UBE3C: variants seen among roughly 807,000 people sequenced by gnomAD.
UBE3C encodes ubiquitin-protein ligase E3C.
Under a neutral mutation model 129.4 loss-of-function variants are expected in UBE3C, and 42 were observed. The observed-to-expected ratio is 0.32, with a 90% CI of 0.25 to 0.42. The LOEUF is 0.42. UBE3C is among the 10% of genes least tolerant of loss of function. UBE3C has a pLI of 1.00. For missense variants in UBE3C, 1,049 were observed against 1,319.1 expected (o/e 0.80, Z 3.17); for synonymous variants, 510 against 492.4 (o/e 1.04, Z -0.47).
At chr7:157,258,651 G>A (rs1402457381) in intron 22 of UBE3C, among the ~76,000 whole-genome samples, 3 of 152,036 alleles carry the variant, frequency 2.0e-5, no homozygotes, top group African/African-American at 4.8e-5. Context: ...GTAGAGACGG[G>A]GTTTCACCAT....
intron 17 of UBE3C, among the ~76,000 whole-genome samples, chr7:157,227,535 A>G (rs10259984): frequency 0.19 from 27,770 of 145,098 alleles, 2,714 homozygotes; most frequent in East Asian, 0.36. Context: ...TGTCTCTACT[A>G]AAAATACAAA....
chr7:157,248,736 GC>G, intron 19 of UBE3C, 156 bp downstream of exon 19: 2 of 762,940 alleles, frequency 2.6e-6, no homozygotes, highest in Non-Finnish European at 4.2e-6. Context: ...TAGCTCCAAA[GC>G]ACCTTAGCCC....
intron 22 of UBE3C, among the ~76,000 whole-genome samples, chr7:157,259,366 T>C (rs1796837775): frequency 6.6e-6 from 1 of 152,230 alleles, no homozygotes; most frequent in South Asian, 2.1e-4. Context: ...AGGCAAGTTA[T>C]CTTGAGAATG....
chr7:157,207,340 C>G, intron 11 of UBE3C, 58 bp from the exon 12 acceptor site: 1 of 1,567,536 alleles, frequency 6.4e-7, no homozygotes, highest in Non-Finnish European at 8.6e-7. Context: ...TTAATTAGTT[C>G]CCAAACTAAG....
intron 1 of UBE3C, among the ~76,000 whole-genome samples, chr7:157,152,966 G>T (rs1187442696): frequency 1.3e-5 from 2 of 152,062 alleles, no homozygotes; most frequent in African/African-American, 2.4e-5. Flanking sequence ...GAGGCTGAGG[G>T]GGGTGGATTG....
intron 22 of UBE3C, 22 bp downstream of exon 22, chr7:157,257,066 T>A: frequency 6.2e-7 from 1 of 1,613,426 alleles, no homozygotes; most frequent in Non-Finnish European, 8.5e-7. Context: ...TCATGACATT[T>A]GCTTTAAAGA....
At chr7:157,227,114 C>G (rs1487483743) in intron 17 of UBE3C, among the ~76,000 whole-genome samples, 3 of 152,124 alleles carry the variant, frequency 2.0e-5, no homozygotes, top group African/African-American at 7.2e-5. Context: ...TCAGTAGATG[C>G]TTATTCAATT....
At chr7:157,199,358 T>C (rs934915483) in intron 10 of UBE3C, among the ~76,000 whole-genome samples, 3 of 152,080 alleles carry the variant, frequency 2.0e-5, no homozygotes, top group African/African-American at 7.2e-5. Context: ...ATCAGGCATA[T>C]GGTAAGGATT....
chr7:157,239,848 A>G (rs10266281), intron 18 of UBE3C, among the ~76,000 whole-genome samples: 27,821 of 152,100 alleles, frequency 0.18, 2,722 homozygotes, highest in East Asian at 0.35. Context: ...GTAGAGGAAC[A>G]CTGGGTGCAG....
chr7:157,141,660 AG>A (rs1807455000), intron 1 of UBE3C, among the ~76,000 whole-genome samples: 1 of 152,220 alleles, frequency 6.6e-6, no homozygotes, highest in African/African-American at 2.4e-5. Flanking sequence ...CGACAGACTG[AG>A]AGGTCATTAT....
intron 1 of UBE3C, among the ~76,000 whole-genome samples, chr7:157,159,175 C>G (rs1191151125): frequency 2.0e-5 from 3 of 152,126 alleles, no homozygotes; most frequent in African/African-American, 7.2e-5. Context: ...AGTGTCACAT[C>G]TTTGTGGAGT....
chr7:157,152,333 C>T (rs1017754619), intron 1 of UBE3C, among the ~76,000 whole-genome samples: 1 of 152,068 alleles, frequency 6.6e-6, no homozygotes, highest in Non-Finnish European at 1.5e-5. Context: ...GTTTTAAGCA[C>T]ATTAATGAGA....
chr7:157,205,751 G>A (rs560471977), intron 11 of UBE3C, among the ~76,000 whole-genome samples: 1 of 152,258 alleles, frequency 6.6e-6, no homozygotes, highest in African/African-American at 2.4e-5. Flanking sequence ...CTGCAAACAT[G>A]GATCATGTAT....
intron 17 of UBE3C, among the ~76,000 whole-genome samples, chr7:157,227,820 C>T (rs1795921710): frequency 6.6e-6 from 1 of 152,214 alleles, no homozygotes; most frequent in Non-Finnish European, 1.5e-5. Flanking sequence ...AAACTGATCA[C>T]ACCCACCTCC....
chr7:157,202,561 G>A (rs894100923), intron 11 of UBE3C, among the ~76,000 whole-genome samples: 4 of 152,204 alleles, frequency 2.6e-5, no homozygotes, highest in Admixed American at 6.5e-5. Context: ...GGAGGCTGAG[G>A]CAGGAGAATC....
At position 157,189,613 on chromosome 7, in the gene UBE3C, C is replaced by T. The variant is rs140204270; in HGVS notation, c.1331+2592C>T. 3.5e-3 allele frequency among the ~76,000 whole-genome samples: 527 copies of T among 152,320 alleles called. 1 individual carries two copies. The highest frequency in any genetic ancestry group is 0.011 in the African/African-American group (468 of 41,556). ...GGCCTGCGGTGCCCACTCAGCCCCG[C>T]GGCATTCCTGGCCTTTGTGTGTATT... On this transcript the variant is annotated intron_variant, in intron 10 of 22. Coordinates refer to ENST00000348165, the MANE Select transcript of UBE3C (RefSeq NM_014671.3).
intron 22 of UBE3C, among the ~76,000 whole-genome samples, chr7:157,257,816 A>T (rs1442208297): frequency 6.6e-6 from 1 of 151,686 alleles, no homozygotes; most frequent in Non-Finnish European, 1.5e-5. Flanking sequence ...AATTAAAATA[A>T]AGCCATATTA....
chr7:157,194,299 A>C (rs1218669938), intron 10 of UBE3C, among the ~76,000 whole-genome samples: 5 of 152,186 alleles, frequency 3.3e-5, no homozygotes, highest in African/African-American at 1.2e-4. Flanking sequence ...TGGTGGGCTC[A>C]CCACTTCCAT....
chr7:157,186,791 G>A (rs200298482), intron 9 of UBE3C, 43 bp from the exon 10 acceptor site: 6 of 1,604,438 alleles, frequency 3.7e-6, no homozygotes, highest in East Asian at 2.2e-5. Context: ...GGACGTTCCA[G>A]TTGAGCACAT....
Sources: gnomAD v4.1 joint callset for allele counts (sites outside exome capture counted in the v4.1 genomes callset) on GRCh38, gnomAD v4.1.1 for gene constraint, MANE v1.5 for transcripts, NCBI Gene and HGNC (gene_info 2026-07-23, HGNC 2026-07-21) for gene names.